Variants in AXIN1 observed in about 807,000 individuals in gnomAD.
The protein encoded by AXIN1 is axin-1.
A neutral mutation model predicts 76.4 loss-of-function variants in AXIN1; 30 were observed. That is an observed-to-expected ratio of 0.39 (90% confidence interval 0.29 to 0.53). The LOEUF is 0.53. Ranked by LOEUF, AXIN1 falls within the 20% of genes least tolerant of loss-of-function variation. The pLI is 0.66. For missense variants in AXIN1, 1,140 were observed against 1,198.8 expected, an observed-to-expected ratio of 0.95 and a Z score of 0.72; for synonymous variants, 545 against 501.4, an observed-to-expected ratio of 1.09 and a Z score of -1.16.
chr16:324,465 T>A (rs1019679049), intron 2 of AXIN1, among the ~76,000 whole-genome samples: 1 of 152,116 alleles, frequency 6.6e-6, no homozygotes, highest in Non-Finnish European at 1.5e-5. Flanking sequence ...AAGGATCACA[T>A]GGCCAAGGGC....
chr16:306,497 C>T (rs763573859), intron 4 of AXIN1, among the ~76,000 whole-genome samples: 15 of 152,214 alleles, frequency 9.9e-5, no homozygotes, highest in African/African-American at 3.6e-4. Context: ...TTCCTGCCCT[C>T]CCGCCGTGGG....
chr16:314,491 G>A lies in AXIN1; in HGVS notation c.1019+52C>T, dbSNP rs150885920. ...CTCAAGGGACAAGGTGTCTGGGACCGGACTTACACACTGCTGTCCGTGAGG... is the reference window on the plus strand; with the variant it reads ...CTCAAGGGACAAGGTGTCTGGGACCAGACTTACACACTGCTGTCCGTGAGG... On this transcript the variant is annotated intron_variant, in intron 3 of 10. Transcript: ENST00000262320. The A allele has an allele frequency of 1.9e-3, 3,112 of 1,610,606 alleles. 12 individuals are homozygous for A. Among genetic ancestry groups the A allele is most frequent in the African/African-American group, 6.4e-3 (476 of 74,952 alleles).
At chr16:318,029 G>A (rs914805462) in intron 2 of AXIN1, among the ~76,000 whole-genome samples, 4 of 152,116 alleles carry the variant, frequency 2.6e-5, no homozygotes, top group Non-Finnish European at 4.4e-5. Context: ...CACTTGGTGC[G>A]TCTGTAGCCC....
intron 2 of AXIN1, among the ~76,000 whole-genome samples, chr16:337,288 A>G (rs1364744514): frequency 6.6e-6 from 1 of 151,564 alleles, no homozygotes; most frequent in Non-Finnish European, 1.5e-5. Context: ...ACATGCTGTT[A>G]TAGGAATTTG....
At chr16:291,374 T>A in intron 8 of AXIN1, 77 bp from the exon 9 acceptor site, 1 of 1,255,760 alleles carries the variant, frequency 8.0e-7, no homozygotes, top group Non-Finnish European at 1.1e-6. Context: ...CCAATGCTGC[T>A]GCGCAGGGAC....
At chr16:308,148 G>C (rs948248803) in intron 4 of AXIN1, among the ~76,000 whole-genome samples, 1 of 152,244 alleles carries the variant, frequency 6.6e-6, no homozygotes, top group Admixed American at 6.5e-5. Flanking sequence ...GCTCCTGTCT[G>C]TGCCTGCCGC....
intron 2 of AXIN1, among the ~76,000 whole-genome samples, chr16:317,190 G>C (rs1241783544): frequency 6.6e-6 from 1 of 152,192 alleles, no homozygotes; most frequent in Non-Finnish European, 1.5e-5. Context: ...AGGCAGCCCA[G>C]CACCTTGGAC....
intron 1 of AXIN1, among the ~76,000 whole-genome samples, 191 bp from the exon 2 acceptor site, chr16:347,297 CT>C (rs142603084): frequency 0.063 from 9,522 of 152,120 alleles, 956 homozygotes; most frequent in African/African-American, 0.21. Context: ...TTTCTGGAAA[CT>C]TTTACAACTA....
rs1208745799 is a variant in AXIN1, at chr16:287,546, G to C, written c.*576C>G. The C allele has an allele frequency of 2.0e-5, 6 of 306,686 alleles. No homozygotes were observed. Among genetic ancestry groups the C allele is most frequent in the Non-Finnish European group, 3.0e-5 (5 of 166,940 alleles). The allele number at this position is 306,686 out of a possible 1,614,324, so 19.0% of individuals were successfully genotyped here. The stretch of plus-strand genomic sequence containing the variant: ...AAAACAGACTCGGGCAGCCCCTGCT[G>C]GCCTAGCCTGAGAAATGTACATATT... On this transcript the variant is annotated 3_prime_UTR_variant, in exon 11 of 11. Transcript: ENST00000262320.
chr16:337,855 C>G (rs980320855), intron 2 of AXIN1, among the ~76,000 whole-genome samples: 1 of 152,242 alleles, frequency 6.6e-6, no homozygotes, highest in African/African-American at 2.4e-5. Context: ...TCTGGGGGCC[C>G]CCTGGACGCC....
chr16:345,424 C>A (rs941607501), intron 2 of AXIN1, among the ~76,000 whole-genome samples: 2 of 152,202 alleles, frequency 1.3e-5, no homozygotes, highest in East Asian at 3.9e-4. Context: ...ATTATAAAAG[C>A]AATAATCTGG....
intron 2 of AXIN1, among the ~76,000 whole-genome samples, chr16:340,163 G>A (rs115512792): frequency 0.053 from 8,057 of 152,132 alleles, 564 homozygotes; most frequent in African/African-American, 0.16. Flanking sequence ...GAACCTGAAC[G>A]GCAAGGGCTG....
Position 293,725 on chromosome 16 carries a change from G to T in AXIN1, c.1956-7C>A, listed in dbSNP as rs993752945. ...CTTCCTCGTCCCCGAAGACCTTGGGGAACAAGAGAACAAGTTGTGACTGTG... is the reference window on the plus strand; with the variant it reads ...CTTCCTCGTCCCCGAAGACCTTGGGTAACAAGAGAACAAGTTGTGACTGTG... On this transcript the variant is annotated splice_region_variant and splice_polypyrimidine_tract_variant and intron_variant, in intron 7 of 10. Transcript: ENST00000262320. This position sits in a 1 kb window ranked among gnomAD's most constrained non-coding sequence, Gnocchi z 4.6. The T allele has an allele frequency of 1.9e-6, 3 of 1,612,298 alleles. No individual in the cohort carries two copies. The highest frequency in any genetic ancestry group is 1.3e-5 in the African/African-American group (1 of 74,882).
chr16:323,113 C>A (rs1266703632), intron 2 of AXIN1, among the ~76,000 whole-genome samples: 1 of 152,118 alleles, frequency 6.6e-6, no homozygotes, highest in Non-Finnish European at 1.5e-5. Flanking sequence ...GAGGTCAAGA[C>A]CCTGTCTTGA....
intron 2 of AXIN1, among the ~76,000 whole-genome samples, chr16:327,059 A>G (rs1256411145): frequency 6.6e-6 from 1 of 151,564 alleles, no homozygotes; most frequent in Non-Finnish European, 1.5e-5. Flanking sequence ...GAAGACTGGC[A>G]TGAACCTGGG....
At chr16:300,473 T>C (rs969903616) in intron 5 of AXIN1, among the ~76,000 whole-genome samples, 11 of 152,156 alleles carry the variant, frequency 7.2e-5, no homozygotes, top group Non-Finnish European at 1.3e-4. Flanking sequence ...GTGTTGGGAT[T>C]ACAGATGTGA....
In AXIN1 at chr16:350,020, C is replaced by G. The variant is rs565452539; in HGVS notation, c.-82+2349G>C. ...GCCAGGCTGGTCTCAAACTCCTGAGCTCAAAGCAATCCACCCGCCTCGGCC... is the reference window on the plus strand; with the variant it reads ...GCCAGGCTGGTCTCAAACTCCTGAGGTCAAAGCAATCCACCCGCCTCGGCC... On this transcript the variant is annotated intron_variant, in intron 1 of 10. Coordinates refer to ENST00000262320, the MANE Select transcript of AXIN1 (RefSeq NM_003502.4). 5.9e-5 allele frequency among the ~76,000 whole-genome samples: 9 copies of G among 152,296 alleles called. 1 individual carries two copies. The East Asian group carries it at 1.2e-3, about 20-fold the overall frequency.
At chr16:339,148 C>T (rs554446939) in intron 2 of AXIN1, among the ~76,000 whole-genome samples, 23 of 135,622 alleles carry the variant, frequency 1.7e-4, no homozygotes, top group Non-Finnish European at 2.6e-4. Context: ...GAGGCCGAGA[C>T]GGGCAGATCA....
intron 4 of AXIN1, among the ~76,000 whole-genome samples, chr16:307,521 C>A (rs998476689): frequency 6.6e-6 from 1 of 152,212 alleles, no homozygotes; most frequent in African/African-American, 2.4e-5. Context: ...AACCTTTTGG[C>A]ACCAGGGACC....
Sources: gnomAD v4.1 joint callset for allele counts (sites outside exome capture counted in the v4.1 genomes callset) on GRCh38, gnomAD v4.1.1 for gene constraint, Gnocchi (gnomAD v3.1) non-coding constraint, MANE v1.5 for transcripts, NCBI Gene and HGNC (gene_info 2026-07-23, HGNC 2026-07-21) for gene names.